The following PRKAR2A variants were observed in gnomAD, a reference collection of about 807,000 sequenced individuals.
PRKAR2A encodes protein kinase cAMP-dependent type II regulatory subunit alpha.
In PRKAR2A, 29 loss-of-function variants were observed where a neutral mutation model predicts 51.9. The observed-to-expected ratio is 0.56, with a 90% confidence interval of 0.42 to 0.76. The LOEUF (loss-of-function observed/expected upper bound fraction) is 0.76, where lower values mean the gene tolerates loss of function less well. PRKAR2A is among the 30% of genes least tolerant of loss of function. The pLI is 0.00. For synonymous variants in PRKAR2A, 178 were observed against 186.2 expected (o/e 0.96, Z 0.36); for missense variants, 445 against 512.1 (o/e 0.87, Z 1.26).
At chr3:48,777,422 T>C (rs1215455922) in intron 5 of PRKAR2A, among the ~76,000 whole-genome samples, 1 of 152,206 alleles carries the variant, frequency 6.6e-6, no homozygotes, top group African/African-American at 2.4e-5. Context: ...TTATTTTATT[T>C]TGAGTTGGAG....
intron 1 of PRKAR2A, among the ~76,000 whole-genome samples, chr3:48,830,569 C>T (rs1313225841): frequency 4.6e-5 from 7 of 151,966 alleles, no homozygotes; most frequent in Admixed American, 2.0e-4. Context: ...ACAACAGTCC[C>T]CAACCTTTTT....
intron 1 of PRKAR2A, among the ~76,000 whole-genome samples, chr3:48,834,692 C>T (rs1206623560): frequency 6.8e-6 from 1 of 147,022 alleles, no homozygotes; most frequent in Non-Finnish European, 1.5e-5. Context: ...TCGCTGCACT[C>T]TAGCCTGGGC....
At chr3:48,827,472 T>A (rs1266045948) in intron 1 of PRKAR2A, among the ~76,000 whole-genome samples, 1 of 152,206 alleles carries the variant, frequency 6.6e-6, no homozygotes, top group Admixed American at 6.5e-5. Flanking sequence ...CATGTATCAC[T>A]TCATTCTGAG....
At chr3:48,827,240 G>A (rs940032276) in intron 1 of PRKAR2A, among the ~76,000 whole-genome samples, 2 of 150,836 alleles carry the variant, frequency 1.3e-5, no homozygotes, top group African/African-American at 4.9e-5. Context: ...CAAATCACCT[G>A]CCCTGTTAAA....
intron 6 of PRKAR2A, among the ~76,000 whole-genome samples, chr3:48,771,305 C>T (rs2082025078): frequency 6.6e-6 from 1 of 152,112 alleles, no homozygotes; most frequent in Non-Finnish European, 1.5e-5. Context: ...CCCAGAAGTT[C>T]AAGACCAGCC....
At chr3:48,787,012 A>G (rs2082303770) in intron 4 of PRKAR2A, among the ~76,000 whole-genome samples, 2 of 152,208 alleles carry the variant, frequency 1.3e-5, no homozygotes. Context: ...AGTACTCTTC[A>G]AAGTGTCAAG....
chr3:48,786,871 CTTGATA>C, intron 4 of PRKAR2A, among the ~76,000 whole-genome samples: 2 of 152,156 alleles, frequency 1.3e-5, no homozygotes, highest in Middle Eastern at 6.8e-3. Flanking sequence ...TCATGGGCCC[CTTGATA>C]TGATGCTTTC....
In PRKAR2A at chr3:48,818,637, C is replaced by T. The variant is rs527283407; in HGVS notation, c.263-10953G>A. Among the ~76,000 whole-genome samples, 65 of 152,250 alleles carry T rather than the reference C, an allele frequency of 4.3e-4. 1 individual carries two copies. The highest frequency in any genetic ancestry group is 6.8e-3 in the Middle Eastern group (2 of 294). ...GGCACAGTGGTGTGCACCTACAGTG[C>T]CAGCTGCTTGGGAGGCTGAGGTGGG... is the stretch of plus-strand genomic sequence containing the variant. On this transcript the variant is annotated intron_variant, in intron 1 of 10. Coordinates refer to ENST00000265563, the MANE Select transcript of PRKAR2A (RefSeq NM_004157.4).
chr3:48,776,757 C>T (rs988850552), intron 5 of PRKAR2A, among the ~76,000 whole-genome samples: 6 of 152,158 alleles, frequency 3.9e-5, no homozygotes, highest in African/African-American at 1.4e-4. Context: ...AGGAGAATCA[C>T]TTGAAACTGG....
intron 6 of PRKAR2A, 112 bp from the exon 7 acceptor site, chr3:48,765,461 T>C: frequency 1.4e-6 from 1 of 734,218 alleles, no homozygotes; most frequent in Non-Finnish European, 2.2e-6. Flanking sequence ...CTGTGTTAAT[T>C]AAGTGTTTAA....
chr3:48,783,052 A>G lies in PRKAR2A; in HGVS notation c.476T>C (p.Ile159Thr), dbSNP rs754364832. Residue 159 changes from isoleucine (I) to threonine (T), a missense_variant, in exon 5 of 11, where the codon ATA becomes ACA. Transcript: ENST00000265563. ...AATGACATGCTCATCAGCTTTGACT[A>G]TCCTTTCAAACATGGCATCGAGAAC... is the stretch of plus-strand genomic sequence containing the variant. Reference protein sequence around the residue: ...SQVLDAMFERIVKADEHVIDQ... With the variant: ...SQVLDAMFERTVKADEHVIDQ... The G allele has an allele frequency of 1.2e-6, 2 of 1,613,882 alleles. No individual in the cohort carries two copies. Among genetic ancestry groups the G allele is most frequent in the South Asian group, 2.2e-5 (2 of 91,086 alleles).
chr3:48,844,129 C>A (rs946854617), intron 1 of PRKAR2A, among the ~76,000 whole-genome samples: 1 of 152,022 alleles, frequency 6.6e-6, no homozygotes, highest in African/African-American at 2.4e-5. Flanking sequence ...TGAACTCAAA[C>A]AAATTTACAA....
chr3:48,753,689 C>T (rs1277859183), intron 9 of PRKAR2A, among the ~76,000 whole-genome samples: 1 of 152,174 alleles, frequency 6.6e-6, no homozygotes, highest in Non-Finnish European at 1.5e-5. Context: ...AATGCACATT[C>T]TGATTCAGTA....
chr3:48,847,466 C>T lies in PRKAR2A; in HGVS notation c.131G>A (p.Arg44His). 1 of 1,568,566 alleles carries T rather than the reference C, an allele frequency of 6.4e-7. No homozygotes were observed. Among genetic ancestry groups the T allele is most frequent in the South Asian group, 1.2e-5 (1 of 86,298 alleles). ...GGCGGGCAGGACTGAGGCTGGGGCG[C>T]GGGCCTCGCGCAGGCGGGTGAAGTA... is the stretch of plus-strand genomic sequence containing the variant. ...VEYFTRLREARAPASVLPAAT... is the reference protein window; with the variant it reads ...VEYFTRLREAHAPASVLPAAT... Residue 44 changes from arginine (R) to histidine (H), a missense_variant, in exon 1 of 11, where the codon CGC becomes CAC. Physicochemically the swap from Arg to His is conservative, Grantham distance 29. Transcript: ENST00000265563. This position sits in a 1 kb window ranked among gnomAD's most constrained non-coding sequence, Gnocchi z 4.4.
At chr3:48,770,893 T>C (rs1042698230) in intron 6 of PRKAR2A, among the ~76,000 whole-genome samples, 7 of 152,178 alleles carry the variant, frequency 4.6e-5, no homozygotes, top group Non-Finnish European at 7.4e-5. Flanking sequence ...TATACAGTTT[T>C]CAATTTTCAT....
intron 5 of PRKAR2A, among the ~76,000 whole-genome samples, chr3:48,780,126 TCCA>T (rs2082170346): frequency 1.3e-5 from 2 of 151,156 alleles, no homozygotes; most frequent in African/African-American, 4.9e-5. Context: ...GCCACTGCAC[TCCA>T]GCCTTGCGAC....
chr3:48,761,583 C>T lies in PRKAR2A; in HGVS notation c.873+3421G>A, dbSNP rs377566268. Among the ~76,000 whole-genome samples the T allele has an allele frequency of 5.3e-5, 8 of 152,174 alleles. No individual in the cohort carries two copies. In the East Asian group the frequency reaches 9.6e-4, roughly 18 times the overall value. On this transcript the variant is annotated intron_variant, in intron 8 of 10. Coordinates refer to ENST00000265563, the MANE Select transcript of PRKAR2A (RefSeq NM_004157.4). ...AAATGAAATATATTAAAATTAAGTTCACCATTTCAAATATCTACTGAAAGT... is the reference window on the plus strand; with the variant it reads ...AAATGAAATATATTAAAATTAAGTTTACCATTTCAAATATCTACTGAAAGT...
chr3:48,804,593 C>G (rs1004532763), intron 2 of PRKAR2A, among the ~76,000 whole-genome samples: 1 of 152,152 alleles, frequency 6.6e-6, no homozygotes, highest in Non-Finnish European at 1.5e-5. Flanking sequence ...ACGGCAGAAT[C>G]AACAAGTTAT....
chr3:48,755,802 G>C (rs535311032), intron 9 of PRKAR2A, among the ~76,000 whole-genome samples: 1 of 124,078 alleles, frequency 8.1e-6, no homozygotes, highest in East Asian at 2.3e-4. Context: ...TTTTTTTGAC[G>C]GAGTCTCGCT....
Sources: gnomAD v4.1 joint callset for allele counts (sites outside exome capture counted in the v4.1 genomes callset) on GRCh38, gnomAD v4.1.1 for gene constraint, Gnocchi (gnomAD v3.1) non-coding constraint, MANE v1.5 for transcripts, NCBI Gene and HGNC (gene_info 2026-07-23, HGNC 2026-07-21) for gene names.